The following RAB3GAP2 variants were observed in gnomAD, a reference collection of about 807,000 sequenced individuals.
The protein encoded by RAB3GAP2 is RAB3 GTPase activating non-catalytic protein subunit 2, also known as rab3 GTPase-activating protein non-catalytic subunit.
RAB3GAP2 carries 87 observed loss-of-function variants against 185.3 expected under a neutral mutation model. That is an observed-to-expected ratio of 0.47 (90% CI 0.39 to 0.56). The LOEUF is 0.56. Ranked by LOEUF, RAB3GAP2 falls within the 20% of genes least tolerant of loss-of-function variation. RAB3GAP2 has a pLI of 0.00. For missense variants in RAB3GAP2, 1,492 were observed against 1,638.2 expected, an observed-to-expected ratio of 0.91 and a Z score of 1.54; for synonymous variants, 554 against 576.1, an observed-to-expected ratio of 0.96 and a Z score of 0.55.
intron 2 of RAB3GAP2, among the ~76,000 whole-genome samples, chr1:220,219,147 T>C (rs1453938676): frequency 6.6e-6 from 1 of 152,198 alleles, no homozygotes; most frequent in East Asian, 1.9e-4. Context: ...CAAATTTCTT[T>C]TAATAAATCT....
intron 1 of RAB3GAP2, among the ~76,000 whole-genome samples, chr1:220,252,014 T>C (rs1659941420): frequency 6.6e-6 from 1 of 151,860 alleles, no homozygotes; most frequent in African/African-American, 2.4e-5. Flanking sequence ...TAGCTGGACA[T>C]GGTGGCACAT....
intron 1 of RAB3GAP2, chr1:220,266,609 A>T (rs1002966071): frequency 9.3e-7 from 1 of 1,075,200 alleles, no homozygotes; most frequent in Non-Finnish European, 1.4e-6. Flanking sequence ...TTCTAGATTG[A>T]GGGCAGCAGT....
chr1:220,164,473 G>GC (rs1658027382), intron 27 of RAB3GAP2, among the ~76,000 whole-genome samples: 1 of 105,650 alleles, frequency 9.5e-6, no homozygotes, highest in South Asian at 3.2e-4. Flanking sequence ...TTTTTGTTTT[G>GC]TTTTTTTTTT....
chr1:220,252,473 GA>G (rs1432930272), intron 1 of RAB3GAP2, among the ~76,000 whole-genome samples: 2 of 152,280 alleles, frequency 1.3e-5, no homozygotes. Flanking sequence ...AGTGAATTCA[GA>G]ACCTTCAACT....
chr1:220,224,623 AC>A (rs1659370848), intron 2 of RAB3GAP2, among the ~76,000 whole-genome samples: 1 of 152,276 alleles, frequency 6.6e-6, no homozygotes, highest in East Asian at 1.9e-4. Flanking sequence ...TCTCCCTAGC[AC>A]CAGTAAGAAC....
At chr1:220,268,574 A>C (rs1660275741) in intron 1 of RAB3GAP2, among the ~76,000 whole-genome samples, 1 of 152,210 alleles carries the variant, frequency 6.6e-6, no homozygotes. Flanking sequence ...TGTAAAGCTA[A>C]AAAATTGGAA....
intron 1 of RAB3GAP2, among the ~76,000 whole-genome samples, chr1:220,248,351 C>T (rs1659858039): frequency 6.6e-6 from 1 of 152,080 alleles, no homozygotes; most frequent in East Asian, 1.9e-4. Flanking sequence ...GGGAGTAGAT[C>T]TTAAGTGTTC....
chr1:220,207,114 T>C (rs989857290), intron 7 of RAB3GAP2, among the ~76,000 whole-genome samples: 9 of 152,236 alleles, frequency 5.9e-5, no homozygotes, highest in African/African-American at 1.9e-4. Context: ...TATTTATGAA[T>C]TAACATATTT....
rs374118087 is a variant in RAB3GAP2 at position 220,210,384 on chromosome 1, C to T, written c.612+4G>A. On this transcript the variant is annotated splice_donor_region_variant and intron_variant, in intron 7 of 34. Coordinates refer to ENST00000358951, the MANE Select transcript of RAB3GAP2 (RefSeq NM_012414.4). ...TACTGTTGGAACACAATTTTTTACACTACCTGCTCAGTCACGCCGGGATGT... is the reference window on the plus strand; with the variant it reads ...TACTGTTGGAACACAATTTTTTACATTACCTGCTCAGTCACGCCGGGATGT... 4 of 1,611,932 alleles carry T rather than the reference C, an allele frequency of 2.5e-6. No homozygotes were observed. Among genetic ancestry groups the T allele is most frequent in the Non-Finnish European group, 3.4e-6 (4 of 1,177,976 alleles).
intron 2 of RAB3GAP2, among the ~76,000 whole-genome samples, chr1:220,217,365 ATG>A (rs1659219123): frequency 6.6e-6 from 1 of 152,212 alleles, no homozygotes; most frequent in Non-Finnish European, 1.5e-5. Flanking sequence ...GTATTTGAAT[ATG>A]TGAGCCAGAG....
rs1558143999 is a variant in RAB3GAP2 at position 220,172,620 on chromosome 1, C to T, written c.2416+17G>A. ...AAACACGAAACTTTGTTGACGAGAG[C>T]AACAAACTTTGTTTACCTTTCATCT... On this transcript the variant is annotated intron_variant, in intron 22 of 34. Coordinates refer to ENST00000358951, the MANE Select transcript of RAB3GAP2 (RefSeq NM_012414.4). 6.4e-7 allele frequency: 1 copy of T among 1,551,024 alleles called. No individual in the cohort carries two copies. The highest frequency in any genetic ancestry group is 8.9e-7 in the Non-Finnish European group (1 of 1,122,536).
intron 1 of RAB3GAP2, among the ~76,000 whole-genome samples, chr1:220,245,462 G>C (rs559857814): frequency 2.6e-5 from 4 of 152,302 alleles, no homozygotes; most frequent in Non-Finnish European, 5.9e-5. Flanking sequence ...TTTCAGACAG[G>C]CTTAAAAAAC....
chr1:220,174,869 C>T (rs1658258143), intron 21 of RAB3GAP2, among the ~76,000 whole-genome samples: 1 of 152,114 alleles, frequency 6.6e-6, no homozygotes, highest in African/African-American at 2.4e-5. Context: ...AACCCAATAT[C>T]CTGTTTAACC....
chr1:220,261,264 A>C (rs1035344511), intron 1 of RAB3GAP2, among the ~76,000 whole-genome samples: 22 of 152,196 alleles, frequency 1.4e-4, no homozygotes, highest in African/African-American at 5.3e-4. Context: ...AGTTTCAAGA[A>C]TTCTTCTCTA....
At chr1:220,167,787 G>T in intron 24 of RAB3GAP2, 112 bp from the exon 25 acceptor site, 1 of 1,162,770 alleles carries the variant, frequency 8.6e-7, no homozygotes, top group Non-Finnish European at 1.3e-6. Flanking sequence ...TCATTTCTCA[G>T]CCTGAAGCTG....
intron 21 of RAB3GAP2, 62 bp downstream of exon 21, chr1:220,182,195 A>T (rs1466252616): frequency 1.2e-6 from 2 of 1,600,070 alleles, no homozygotes; most frequent in African/African-American, 2.7e-5. Context: ...AAAAAAGAAG[A>T]CTGACACTTC....
chr1:220,231,936 A>C (rs991225002), intron 2 of RAB3GAP2, among the ~76,000 whole-genome samples: 3 of 152,218 alleles, frequency 2.0e-5, no homozygotes, highest in Non-Finnish European at 4.4e-5. Context: ...CAACCAACCC[A>C]GGATTCCATT....
rs531260950 is a variant in RAB3GAP2, at chr1:220,194,935, C to A, written c.1130+143G>T. On this transcript the variant is annotated intron_variant, in intron 12 of 34. Transcript: ENST00000358951. The stretch of plus-strand genomic sequence containing the variant: ...CACTCTTCACATGGAGTTTTACATT[C>A]TAGTGGGAAAAGAAATTCCACTGTA... 5.9e-6 allele frequency: 5 copies of A among 840,712 alleles called. No homozygotes were observed. The South Asian group carries it at 7.1e-5, about 12-fold the overall frequency. The allele number at this position is 840,712 out of a possible 1,614,324, so 52.1% of individuals were successfully genotyped here. A position where few individuals can be genotyped will look rare whatever the true frequency, so the allele number is the denominator to read the frequency against.
chr1:220,211,798 C>T (rs1187755433), intron 4 of RAB3GAP2, among the ~76,000 whole-genome samples: 1 of 152,142 alleles, frequency 6.6e-6, no homozygotes, highest in Non-Finnish European at 1.5e-5. Context: ...CGTGTTTGTT[C>T]ACTGTTTTTA....
Sources: gnomAD v4.1 joint callset for allele counts (sites outside exome capture counted in the v4.1 genomes callset) on GRCh38, gnomAD v4.1.1 for gene constraint, MANE v1.5 for transcripts, NCBI Gene and HGNC (gene_info 2026-07-23, HGNC 2026-07-21) for gene names.